GABRA6: variants seen among roughly 807,000 people sequenced by gnomAD.
The protein encoded by GABRA6 is gamma-aminobutyric acid type A receptor subunit alpha6.
GABRA6 carries 45 observed loss-of-function variants against 47.3 expected under a neutral mutation model. That is an observed-to-expected ratio of 0.95 (90% confidence interval 0.75 to 1.22). The LOEUF is 1.22. Ranked by LOEUF, GABRA6 falls within the 50% of genes most tolerant of loss-of-function variation. The pLI, the probability that GABRA6 is intolerant of heterozygous loss-of-function variation, is 0.00. For missense variants in GABRA6, 583 were observed against 549.3 expected, an observed-to-expected ratio of 1.06 and a Z score of -0.61; for synonymous variants, 219 against 194.7, an observed-to-expected ratio of 1.12 and a Z score of -1.04.
intron 6 of GABRA6, 71 bp downstream of exon 6, chr5:161,689,850 T>C (rs1754762777): frequency 6.9e-7 from 1 of 1,450,968 alleles, no homozygotes; most frequent in African/African-American, 1.4e-5. Flanking sequence ...AAATATCTAT[T>C]TCTTTTTCCT....
At chr5:161,701,345 C>A (rs1458846399) in intron 8 of GABRA6, among the ~76,000 whole-genome samples, 153 bp from the exon 9 acceptor site, 1 of 152,108 alleles carries the variant, frequency 6.6e-6, no homozygotes, top group Non-Finnish European at 1.5e-5. Flanking sequence ...AAAAGTAACA[C>A]CAACAAATAC....
At chr5:161,694,533 C>A (rs1465900777) in intron 8 of GABRA6, among the ~76,000 whole-genome samples, 2 of 151,974 alleles carry the variant, frequency 1.3e-5, no homozygotes, top group East Asian at 1.9e-4. Flanking sequence ...AATTTAAGAT[C>A]TCAGGTTTTG....
At chr5:161,686,194 G>T (rs762766703) in intron 1 of GABRA6, 36 bp from the exon 2 acceptor site, 6 of 1,522,052 alleles carry the variant, frequency 3.9e-6, no homozygotes, top group East Asian at 4.5e-5. Context: ...TCTTCTCTGA[G>T]CCTGGGAGTA....
In GABRA6 at chr5:161,689,069, A is replaced by C. The variant is rs772176793; in HGVS notation, c.346A>C (p.Thr116Pro). 4 of 1,613,932 alleles carry C rather than the reference A, an allele frequency of 2.5e-6. No homozygotes were observed. The highest frequency in any genetic ancestry group is 1.7e-5 in the Admixed American group (1 of 59,988). ...GGTCAGTAAAATCTGGACGCCTGAC[A>C]CCTTTTTCAGAAATGGTAAAAAGTC... ...LMVSKIWTPD[T>P]FFRNGKKSIA... The change falls in exon 4 of 9, where the codon ACC becomes CCC. Residue 116 changes from threonine (T) to proline (P), a missense_variant. Thr to Pro is a conservative substitution (Grantham distance 38). Transcript: ENST00000274545.
chr5:161,691,420 G>A (rs1049586693), intron 7 of GABRA6, among the ~76,000 whole-genome samples: 4 of 147,616 alleles, frequency 2.7e-5, no homozygotes, highest in African/African-American at 5.0e-5. Context: ...CTCAGCCTCC[G>A]GAGTAGCTGG....
intron 8 of GABRA6, among the ~76,000 whole-genome samples, chr5:161,700,177 G>A (rs750038357): frequency 6.6e-6 from 1 of 152,182 alleles, no homozygotes; most frequent in Non-Finnish European, 1.5e-5. Flanking sequence ...AGGTCATTTT[G>A]GTCCTGTGGC....
chr5:161,696,246 T>G (rs1386294803), intron 8 of GABRA6, among the ~76,000 whole-genome samples: 1 of 152,116 alleles, frequency 6.6e-6, no homozygotes, highest in East Asian at 1.9e-4. Context: ...CTTTTTAAGG[T>G]GGTAAGGTGC....
chr5:161,697,977 A>G (rs569481667), intron 8 of GABRA6, among the ~76,000 whole-genome samples: 1 of 152,330 alleles, frequency 6.6e-6, no homozygotes, highest in East Asian at 1.9e-4. Context: ...TCAACAATAA[A>G]CATTTAGAAC....
intron 3 of GABRA6, chr5:161,687,401 T>C (rs1268900439): frequency 4.8e-6 from 2 of 414,036 alleles, no homozygotes; most frequent in Non-Finnish European, 9.5e-6. Flanking sequence ...TAATTGTCTT[T>C]TGTGGCAACA....
chr5:161,691,800 A>G (rs1754796685), intron 7 of GABRA6, 141 bp from the exon 8 acceptor site: 5 of 719,516 alleles, frequency 6.9e-6, no homozygotes, highest in Non-Finnish European at 9.5e-6. Flanking sequence ...ATAATTATGA[A>G]CAATTATAAT....
At chr5:161,687,121 G>T in intron 3 of GABRA6, 118 bp downstream of exon 3, 1 of 822,258 alleles carries the variant, frequency 1.2e-6, no homozygotes. Context: ...CACAATATTT[G>T]TATTCATGCT....
intron 6 of GABRA6, chr5:161,689,982 T>TA: frequency 1.5e-6 from 1 of 672,444 alleles, no homozygotes; most frequent in Non-Finnish European, 2.5e-6. Context: ...TAGTTTTTTT[T>TA]ATGTATATGA....
At chr5:161,690,492 C>A in intron 7 of GABRA6, 139 bp downstream of exon 7, 1 of 896,886 alleles carries the variant, frequency 1.1e-6, no homozygotes, top group Non-Finnish European at 1.8e-6. Flanking sequence ...ACATATGTAT[C>A]ATGCAAAATC....
At chr5:161,694,228 A>G (rs1007465568) in intron 8 of GABRA6, among the ~76,000 whole-genome samples, 1 of 151,798 alleles carries the variant, frequency 6.6e-6, no homozygotes, top group Non-Finnish European at 1.5e-5. Flanking sequence ...TCATCTATAT[A>G]TTAATATATG....
At chr5:161,696,916 A>T (rs1295595855) in intron 8 of GABRA6, among the ~76,000 whole-genome samples, 1 of 152,126 alleles carries the variant, frequency 6.6e-6, no homozygotes, top group Non-Finnish European at 1.5e-5. Flanking sequence ...CCCTTCAGTA[A>T]GGCAGCCCTG....
At chr5:161,688,302 G>A (rs796826204) in intron 3 of GABRA6, among the ~76,000 whole-genome samples, 64 of 152,158 alleles carry the variant, frequency 4.2e-4, no homozygotes, top group African/African-American at 1.5e-3. Flanking sequence ...TTTTGCAATA[G>A]CTCTTATTAT....
At chr5:161,686,104 T>G in intron 1 of GABRA6, 77 bp downstream of exon 1, 2 of 1,460,826 alleles carry the variant, frequency 1.4e-6, no homozygotes, top group Non-Finnish European at 1.9e-6. Flanking sequence ...GGGTGACTCC[T>G]ATATCAAATC....
intron 8 of GABRA6, among the ~76,000 whole-genome samples, chr5:161,694,621 G>T (rs1414018406): frequency 6.6e-6 from 1 of 151,916 alleles, no homozygotes; most frequent in African/African-American, 2.4e-5. Flanking sequence ...TTTAAAAAAT[G>T]GTATGTAAAT....
At chr5:161,698,513 A>G (rs1401388572) in intron 8 of GABRA6, among the ~76,000 whole-genome samples, 2 of 152,118 alleles carry the variant, frequency 1.3e-5, no homozygotes. Context: ...AAGATTCCTG[A>G]GCAAAAAAAT....
Sources: gnomAD v4.1 joint callset for allele counts (sites outside exome capture counted in the v4.1 genomes callset) on GRCh38, gnomAD v4.1.1 for gene constraint, MANE v1.5 for transcripts, NCBI Gene and HGNC (gene_info 2026-07-23, HGNC 2026-07-21) for gene names.